NDUFAF2: variants seen among roughly 807,000 people sequenced by gnomAD.
NDUFAF2 encodes the protein NADH:ubiquinone oxidoreductase complex assembly factor 2.
In NDUFAF2, 13 loss-of-function variants were observed where a neutral mutation model predicts 22.8. The observed-to-expected ratio is 0.57, with a 90% CI of 0.37 to 0.91. The LOEUF is 0.91. NDUFAF2 is among the 40% of genes least tolerant of loss of function. The pLI is 0.01. For synonymous variants in NDUFAF2, 53 were observed against 64.2 expected, an observed-to-expected ratio of 0.83 and a Z score of 0.84; for missense variants, 162 against 195.2, an observed-to-expected ratio of 0.83 and a Z score of 1.01.
intron 1 of NDUFAF2, among the ~76,000 whole-genome samples, chr5:61,052,452 A>G (rs1393678876): frequency 6.6e-6 from 1 of 152,054 alleles, no homozygotes; most frequent in Non-Finnish European, 1.5e-5. Context: ...CTGGAACTAC[A>G]GGCGCCCGCC....
chr5:61,015,977 A>G (rs2112600406), intron 1 of NDUFAF2, among the ~76,000 whole-genome samples: 1 of 152,096 alleles, frequency 6.6e-6, no homozygotes, highest in African/African-American at 2.4e-5. Context: ...CACAAGGTCA[A>G]GAGATCGAGA....
At chr5:61,038,938 G>A (rs1009385878) in intron 1 of NDUFAF2, among the ~76,000 whole-genome samples, 1 of 150,894 alleles carries the variant, frequency 6.6e-6, no homozygotes, top group Admixed American at 6.6e-5. Context: ...CTTGTTACAT[G>A]TGTTTTTATT....
rs535166817 is a variant in NDUFAF2, at chr5:61,100,149, A to C, written c.258+1117A>C. Among the ~76,000 whole-genome samples the C allele has an allele frequency of 2.0e-5, 3 of 152,204 alleles. No homozygotes were observed. In the South Asian group the frequency reaches 6.2e-4, roughly 32 times the overall value. ...GGGGGAAAAAATAAAAGGCAATATG[A>C]TCCAGGATTCAGAAGTATGCCCAGT... On this transcript the variant is annotated intron_variant, in intron 3 of 3. Coordinates refer to ENST00000296597, the MANE Select transcript of NDUFAF2 (RefSeq NM_174889.5).
intron 3 of NDUFAF2, among the ~76,000 whole-genome samples, chr5:61,107,044 T>TACACACACACACACACACACACACAC (rs71578646): frequency 1.4e-4 from 9 of 64,800 alleles, no homozygotes; most frequent in African/African-American, 2.8e-4. Flanking sequence ...TTTGGATAAA[T>TACACACACACACACACACACACACAC]ATACACACAC....
In NDUFAF2 at chr5:61,036,291, T is replaced by A. The variant is rs147321751; in HGVS notation, c.128-36834T>A. Among the ~76,000 whole-genome samples the A allele has an allele frequency of 1.8e-3, 280 of 152,334 alleles. 3 individuals are homozygous for A. Among genetic ancestry groups the A allele is most frequent in the African/African-American group, 6.5e-3 (272 of 41,580 alleles). On this transcript the variant is annotated intron_variant, in intron 1 of 3. Coordinates refer to ENST00000296597, the MANE Select transcript of NDUFAF2 (RefSeq NM_174889.5). ...CTGTTAAATTAGTCAGATGAATGTTTATTGCAAACAGTGTGCATGGGACTT... is the reference window on the plus strand; with the variant it reads ...CTGTTAAATTAGTCAGATGAATGTTAATTGCAAACAGTGTGCATGGGACTT...
chr5:61,119,887 A>T (rs1752955567), intron 3 of NDUFAF2, among the ~76,000 whole-genome samples: 1 of 152,198 alleles, frequency 6.6e-6, no homozygotes, highest in Non-Finnish European at 1.5e-5. Context: ...TTTATTAAAA[A>T]TTTAATATAA....
intron 1 of NDUFAF2, among the ~76,000 whole-genome samples, chr5:61,064,046 G>A (rs1198160107): frequency 2.6e-5 from 4 of 152,108 alleles, no homozygotes; most frequent in African/African-American, 9.7e-5. Flanking sequence ...TAAAAGAATG[G>A]AAGAAGATAT....
chr5:60,989,050 G>T (rs1008519845), intron 1 of NDUFAF2, among the ~76,000 whole-genome samples: 7 of 152,274 alleles, frequency 4.6e-5, no homozygotes, highest in Middle Eastern at 6.8e-3. Context: ...CTACTATCCA[G>T]AATCTGTAAG....
chr5:61,129,176 C>T (rs188471340), intron 3 of NDUFAF2, among the ~76,000 whole-genome samples: 2,309 of 152,182 alleles, frequency 0.015, 64 homozygotes, highest in African/African-American at 0.051. Flanking sequence ...AGAAATAGAA[C>T]AGTTTTACAC....
chr5:61,134,414 G>C (rs527631729), intron 3 of NDUFAF2, among the ~76,000 whole-genome samples: 4 of 152,134 alleles, frequency 2.6e-5, no homozygotes, highest in African/African-American at 4.8e-5. Flanking sequence ...CGCCAGGCGC[G>C]GTGGCTCACG....
chr5:61,089,986 T>C (rs1333628932), intron 2 of NDUFAF2, among the ~76,000 whole-genome samples: 1 of 151,996 alleles, frequency 6.6e-6, no homozygotes, highest in African/African-American at 2.4e-5. Context: ...GATTGTTATT[T>C]AGAGTTGTTT....
rs1752243987 is a variant in NDUFAF2 at position 61,067,384 on chromosome 5, C to T, written c.128-5741C>T. Among the ~76,000 whole-genome samples the T allele has an allele frequency of 3.3e-5, 5 of 149,628 alleles. No homozygotes were observed. In the Admixed American group the frequency reaches 3.4e-4, roughly 10 times the overall value. On this transcript the variant is annotated intron_variant, in intron 1 of 3. Coordinates refer to ENST00000296597, the MANE Select transcript of NDUFAF2 (RefSeq NM_174889.5). ...TCCATATGTTTTCATTGTTCAATTC[C>T]CACCTATGAGTGAGAACATGTGGTG...
rs141532478 is a variant in NDUFAF2 at position 60,960,623 on chromosome 5, T to C, written c.127+15241T>C. On this transcript the variant is annotated intron_variant, in intron 1 of 3. Transcript: ENST00000296597. ...TTGCTTTTGAGATTTTTCAATTGAATTGGGTTTGGTAGAGATAGTATCTTC... is the reference window on the plus strand; with the variant it reads ...TTGCTTTTGAGATTTTTCAATTGAACTGGGTTTGGTAGAGATAGTATCTTC... 1.4e-4 allele frequency among the ~76,000 whole-genome samples: 22 copies of C among 152,268 alleles called. No individual in the cohort carries two copies. The East Asian group carries it at 3.7e-3, about 25-fold the overall frequency.
At chr5:61,014,745 T>G (rs1751484655) in intron 1 of NDUFAF2, among the ~76,000 whole-genome samples, 1 of 152,202 alleles carries the variant, frequency 6.6e-6, no homozygotes, top group Non-Finnish European at 1.5e-5. Flanking sequence ...CCCACATATT[T>G]GATTCCAGAA....
intron 3 of NDUFAF2, among the ~76,000 whole-genome samples, chr5:61,127,673 C>A (rs1753054963): frequency 1.3e-5 from 2 of 152,034 alleles, no homozygotes; most frequent in Non-Finnish European, 2.9e-5. Flanking sequence ...TATGACAAAC[C>A]CACAGCCAAT....
chr5:60,976,521 G>A (rs960860708), intron 1 of NDUFAF2, among the ~76,000 whole-genome samples: 2 of 152,112 alleles, frequency 1.3e-5, no homozygotes, highest in Non-Finnish European at 2.9e-5. Flanking sequence ...GGACCCCAAG[G>A]GGGTAGACTT....
chr5:61,031,329 T>C (rs1751724040), intron 1 of NDUFAF2, among the ~76,000 whole-genome samples: 1 of 151,916 alleles, frequency 6.6e-6, no homozygotes, highest in Non-Finnish European at 1.5e-5. Context: ...TGACAGGCCC[T>C]GGTGTGTGAT....
intron 1 of NDUFAF2, among the ~76,000 whole-genome samples, chr5:61,002,008 T>C (rs924894230): frequency 6.6e-6 from 1 of 152,066 alleles, no homozygotes; most frequent in African/African-American, 2.4e-5. Context: ...TGAGTGGCAG[T>C]GTAGGGTGGT....
chr5:61,058,215 A>G (rs1224146092), intron 1 of NDUFAF2, among the ~76,000 whole-genome samples: 2 of 152,078 alleles, frequency 1.3e-5, no homozygotes, highest in African/African-American at 4.8e-5. Flanking sequence ...AGCTTTTCAC[A>G]TACTATAATT....
Sources: allele counts gnomAD v4.1 joint callset (sites outside exome capture counted in the v4.1 genomes callset), GRCh38; gene constraint gnomAD v4.1.1; transcripts MANE v1.5; gene names NCBI Gene and HGNC (gene_info 2026-07-23, HGNC 2026-07-21).